The following ATP2C1 variants were observed in gnomAD, a reference collection of about 807,000 sequenced individuals.
ATP2C1 encodes ATPase secretory pathway Ca2+ transporting 1.
ATP2C1 carries 31 observed loss-of-function variants against 120.5 expected under a neutral mutation model. The observed-to-expected ratio is 0.26, with a 90% confidence interval of 0.19 to 0.35. The LOEUF (loss-of-function observed/expected upper bound fraction) is 0.35, where lower values mean the gene tolerates loss of function less well. ATP2C1 is among the 10% of genes least tolerant of loss of function. The probability of loss-of-function intolerance (pLI) is 1.00; values close to 1 mark genes in which losing one functional copy is unlikely to be tolerated. For synonymous variants in ATP2C1, 351 were observed against 358.7 expected (o/e 0.98, Z 0.24); for missense variants, 731 against 1,107.5 (o/e 0.66, Z 4.83).
chr3:130,905,612 A>G (rs889152516), intron 2 of ATP2C1, among the ~76,000 whole-genome samples: 4 of 152,154 alleles, frequency 2.6e-5, no homozygotes, highest in African/African-American at 7.2e-5. Flanking sequence ...ATCCCTGCCT[A>G]AGGGTTATGT....
At chr3:130,920,678 A>G (rs1472938861) in intron 2 of ATP2C1, among the ~76,000 whole-genome samples, 1 of 152,190 alleles carries the variant, frequency 6.6e-6, no homozygotes, top group Admixed American at 6.5e-5. Context: ...GTGGTTCCAT[A>G]TGAATTTTAG....
intron 8 of ATP2C1, among the ~76,000 whole-genome samples, chr3:130,953,605 C>G (rs2060462146): frequency 6.6e-6 from 1 of 152,122 alleles, no homozygotes; most frequent in African/African-American, 2.4e-5. Context: ...TCTCATGGTA[C>G]AGCATTCTAC....
At chr3:130,855,729 G>GGTCAACTT (rs1309294214) in intron 1 of ATP2C1, among the ~76,000 whole-genome samples, 2 of 152,104 alleles carry the variant, frequency 1.3e-5, no homozygotes, top group Non-Finnish European at 2.9e-5. Context: ...GATGCCTGAG[G>GGTCAACTT]GTCAACTTGT....
chr3:131,015,984 C>A, intron 26 of ATP2C1: 1 of 881,782 alleles, frequency 1.1e-6, no homozygotes, highest in Non-Finnish European at 1.8e-6. Context: ...GTTTCCAGCT[C>A]TTCAGCTGTA....
chr3:130,958,132 T>C (rs1206769344), intron 11 of ATP2C1, among the ~76,000 whole-genome samples: 1 of 152,210 alleles, frequency 6.6e-6, no homozygotes, highest in East Asian at 1.9e-4. Flanking sequence ...GTAATAAATA[T>C]GTTTCAACTT....
intron 20 of ATP2C1, among the ~76,000 whole-genome samples, chr3:130,983,596 C>T (rs1261280250): frequency 2.6e-5 from 4 of 152,182 alleles, no homozygotes; most frequent in African/African-American, 7.2e-5. Flanking sequence ...GACGGAGTCT[C>T]GCTCCACCAT....
intron 10 of ATP2C1, among the ~76,000 whole-genome samples, chr3:130,955,577 G>A (rs1030074016): frequency 1.7e-4 from 26 of 152,106 alleles, no homozygotes; most frequent in African/African-American, 6.0e-4. Context: ...TGCAAATGTC[G>A]TGTTCTCCCC....
chr3:130,975,304 A>G lies in ATP2C1; in HGVS notation c.1414-28A>G, dbSNP rs777716050. On this transcript the variant is annotated intron_variant, in intron 17 of 27. Coordinates refer to ENST00000510168, the MANE Select transcript of ATP2C1 (RefSeq NM_001378687.1). ...GCAGGTAAGTACAAGTTGAAATTAA[A>G]CTTGTGTTTGGTACATTTTCTTCTT... 3.7e-6 allele frequency: 6 copies of G among 1,612,138 alleles called. 1 individual carries two copies. In the South Asian group the frequency reaches 6.6e-5, roughly 18 times the overall value.
At chr3:131,014,112 C>T in intron 26 of ATP2C1, 1 of 1,610,136 alleles carries the variant, frequency 6.2e-7, no homozygotes, top group Non-Finnish European at 8.5e-7. Flanking sequence ...CATTAACAAC[C>T]CAAACCGGTT....
At chr3:130,864,632 C>A (rs2107734271) in intron 1 of ATP2C1, among the ~76,000 whole-genome samples, 2 of 152,306 alleles carry the variant, frequency 1.3e-5, no homozygotes, top group South Asian at 4.1e-4. Context: ...CTGTGTGCAG[C>A]CTAGGGACTT....
intron 17 of ATP2C1, among the ~76,000 whole-genome samples, chr3:130,971,502 G>C (rs2061315939): frequency 6.6e-6 from 1 of 152,108 alleles, no homozygotes; most frequent in Non-Finnish European, 1.5e-5. Flanking sequence ...CAGTGGCTCA[G>C]ATAGTTTGCT....
upstream of ATP2C1, among the ~76,000 whole-genome samples, chr3:130,890,205 C>G (rs561761042): frequency 7.9e-5 from 12 of 152,206 alleles, no homozygotes; most frequent in East Asian, 2.3e-3. Context: ...ACCTTTGTAT[C>G]TCAAAACAAA....
intron 26 of ATP2C1, among the ~76,000 whole-genome samples, chr3:131,008,784 T>C (rs1411525973): frequency 6.6e-6 from 1 of 152,198 alleles, no homozygotes; most frequent in East Asian, 1.9e-4. Context: ...CAACAGTATA[T>C]TCTCTCTTGA....
intron 14 of ATP2C1, among the ~76,000 whole-genome samples, chr3:130,965,755 A>G (rs965978182): frequency 6.6e-6 from 1 of 152,096 alleles, no homozygotes; most frequent in Non-Finnish European, 1.5e-5. Flanking sequence ...CAGAACACCC[A>G]GAAGTGGCCC....
chr3:130,989,665 T>A (rs1182306225), intron 20 of ATP2C1, among the ~76,000 whole-genome samples: 1 of 152,234 alleles, frequency 6.6e-6, no homozygotes, highest in Non-Finnish European at 1.5e-5. Context: ...GTACTTTTGC[T>A]TCAATAAGTT....
chr3:130,942,984 A>T (rs2059987927), intron 8 of ATP2C1, among the ~76,000 whole-genome samples: 1 of 152,118 alleles, frequency 6.6e-6, no homozygotes. Context: ...TCTCATTGGG[A>T]TAGTTAGAAG....
downstream of ATP2C1, among the ~76,000 whole-genome samples, chr3:131,005,154 C>T (rs187119252): frequency 2.3e-5 from 3 of 132,320 alleles, no homozygotes; most frequent in Admixed American, 8.5e-5. Context: ...CTCACTCTGT[C>T]CCCCAGGTTG....
rs1359117581 is a variant in ATP2C1 at position 130,982,320 on chromosome 3, T to A, written c.1839+1641T>A. ...TTTTAACTTTTGATTATAATGCTTT[T>A]CTAACAAATTATTTGTAGGAAGGAG... is the stretch of plus-strand genomic sequence containing the variant. On this transcript the variant is annotated intron_variant, in intron 20 of 27. Transcript: ENST00000510168. Among the ~76,000 whole-genome samples, 8 of 152,254 alleles carry A rather than the reference T, an allele frequency of 5.3e-5. No individual in the cohort carries two copies. The South Asian group carries it at 1.2e-3, about 24-fold the overall frequency.
Position 130,956,088 on chromosome 3 carries a change from T to C in ATP2C1, c.757-16T>C. ...ATATAGCTAATTGTGGTGACACTCT[T>C]CTTCAATTTATCAAGGCACCAAAAA... On this transcript the variant is annotated splice_polypyrimidine_tract_variant and intron_variant, in intron 10 of 27. Transcript: ENST00000510168. 1 of 1,575,546 alleles carries C rather than the reference T, an allele frequency of 6.3e-7. No individual in the cohort carries two copies. Among genetic ancestry groups the C allele is most frequent in the Non-Finnish European group, 8.7e-7 (1 of 1,145,494 alleles).
Sources: gnomAD v4.1 joint callset for allele counts (sites outside exome capture counted in the v4.1 genomes callset) on GRCh38, gnomAD v4.1.1 for gene constraint, MANE v1.5 for transcripts, NCBI Gene and HGNC (gene_info 2026-07-23, HGNC 2026-07-21) for gene names.